Variants in TFDP2 observed in about 807,000 individuals in gnomAD.
TFDP2 encodes the protein transcription factor Dp-2 (E2F dimerization partner 2).
Under a neutral mutation model 59.3 loss-of-function variants are expected in TFDP2, and 17 were observed. The observed-to-expected ratio is 0.29, with a 90% CI of 0.20 to 0.43. The LOEUF is 0.43. Among genes scored for constraint, TFDP2 ranks in the 20% least tolerant of loss-of-function variants. The pLI is 1.00. For missense variants in TFDP2, 391 were observed against 528.8 expected, an observed-to-expected ratio of 0.74 and a Z score of 2.56; for synonymous variants, 180 against 194.7, an observed-to-expected ratio of 0.92 and a Z score of 0.63.
intron 6 of TFDP2, among the ~76,000 whole-genome samples, chr3:141,979,935 G>A (rs542372714): frequency 6.6e-6 from 1 of 150,788 alleles, no homozygotes; most frequent in African/African-American, 2.4e-5. Flanking sequence ...TGGATTCAGG[G>A]TCTCACTCTG....
chr3:142,027,740 C>G (rs1473700641), intron 3 of TFDP2, among the ~76,000 whole-genome samples: 1 of 151,992 alleles, frequency 6.6e-6, no homozygotes, highest in African/African-American at 2.4e-5. Flanking sequence ...TCAATTCAAT[C>G]AAGTTGTCAT....
chr3:141,947,888 A>AC lies in TFDP2; in HGVS notation c.*4624dup, dbSNP rs1416726349. The AC allele has an allele frequency of 6.6e-6, 1 of 152,196 alleles. No homozygotes were observed. The highest frequency in any genetic ancestry group is 2.4e-5 in the African/African-American group (1 of 41,376). The allele number at this position is 152,196 out of a possible 1,614,324, so 9.4% of individuals were successfully genotyped here. A position where few individuals can be genotyped will look rare whatever the true frequency, so the allele number is the denominator to read the frequency against. On this transcript the variant is annotated 3_prime_UTR_variant, in exon 13 of 13. Transcript: ENST00000489671. ...TTTCCCAGAGGGGCCTTTCCCAGCC[A>AC]CCCCCAGCCAAAGTAGCCTTTCCCA...
Position 142,117,797 on chromosome 3 carries a change from G to A in TFDP2, c.-92-15956C>T, listed in dbSNP as rs143151727. ...AAGGTAATGAATGAAAAAAACAGGC[G>A]ATAAGAGGAGGAAATTAGGCCAGGC... On this transcript the variant is annotated intron_variant, in intron 1 of 12. Coordinates refer to ENST00000489671, the MANE Select transcript of TFDP2 (RefSeq NM_001178139.2). Among the ~76,000 whole-genome samples, 320 of 152,174 alleles carry A rather than the reference G, an allele frequency of 2.1e-3. 1 individual carries two copies. The highest frequency in any genetic ancestry group is 3.5e-3 in the Non-Finnish European group (235 of 68,022).
rs1444830011 is a variant in TFDP2, at chr3:141,953,033, G to A, written c.1052-17C>T. The A allele has an allele frequency of 1.3e-6, 2 of 1,592,740 alleles. No homozygotes were observed. Among genetic ancestry groups the A allele is most frequent in the Admixed American group, 1.7e-5 (1 of 58,952 alleles). On this transcript the variant is annotated splice_polypyrimidine_tract_variant and intron_variant, in intron 11 of 12. Coordinates refer to ENST00000489671, the MANE Select transcript of TFDP2 (RefSeq NM_001178139.2). Reference sequence around the variant, plus strand: ...TGGAGATATCTAAAGGAAAAAATGAGAACAAAAAATGTCGGTCCTGCAAGT... The same window carrying A: ...TGGAGATATCTAAAGGAAAAAATGAAAACAAAAAATGTCGGTCCTGCAAGT...
chr3:142,102,916 A>T (rs2061357116), intron 1 of TFDP2, among the ~76,000 whole-genome samples: 1 of 152,228 alleles, frequency 6.6e-6, no homozygotes, highest in African/African-American at 2.4e-5. Flanking sequence ...TGGCAAAGAA[A>T]GGCTGAGAAA....
chr3:141,969,603 T>C lies in TFDP2; in HGVS notation c.732+470A>G, dbSNP rs571937176. 2.2e-3 allele frequency among the ~76,000 whole-genome samples: 327 copies of C among 152,044 alleles called. 2 individuals carry two copies. The highest frequency in any genetic ancestry group is 7.5e-3 in the African/African-American group (310 of 41,440). ...CTCCAGCCTGGCGAAAGAGTGAGAC[T>C]CAGTCTCAAAAAACAACAACAACAA... On this transcript the variant is annotated intron_variant, in intron 9 of 12. Transcript: ENST00000489671.
Position 142,149,487 on chromosome 3 carries a change from C to G in TFDP2, c.-397G>C, listed in dbSNP as rs2063309043. The G allele has an allele frequency of 2.8e-6, 1 of 360,846 alleles. No individual in the cohort carries two copies. Among genetic ancestry groups the G allele is most frequent in the Non-Finnish European group, 4.9e-6 (1 of 202,444 alleles). 22.4% of individuals were successfully genotyped at this position (360,846 alleles called of 1,614,324 possible). On this transcript the variant is annotated 5_prime_UTR_variant, in exon 1 of 13. Transcript: ENST00000489671. ...ACCGATTTCGTCCGCCCTCTCCCTG[C>G]CCAGCTACAGCCCCGCTTCCCCCGC...
intron 3 of TFDP2, among the ~76,000 whole-genome samples, chr3:142,021,505 A>C (rs776732351): frequency 1.1e-4 from 16 of 152,198 alleles, no homozygotes; most frequent in Admixed American, 2.6e-4. Context: ...CATATTTCTA[A>C]ATGAATAAAT....
At chr3:141,980,677 A>G (rs922429379) in intron 6 of TFDP2, among the ~76,000 whole-genome samples, 32 of 152,042 alleles carry the variant, frequency 2.1e-4, no homozygotes, top group Non-Finnish European at 4.1e-4. Context: ...CTGGCATTAC[A>G]GGCGCCTACC....
chr3:142,080,935 G>A (rs1399369370), intron 3 of TFDP2, among the ~76,000 whole-genome samples: 2 of 152,110 alleles, frequency 1.3e-5, no homozygotes, highest in Admixed American at 6.6e-5. Context: ...CTTCCAAACA[G>A]AAAATCCACA....
chr3:142,039,406 A>T (rs183053033), intron 3 of TFDP2, among the ~76,000 whole-genome samples: 1 of 152,012 alleles, frequency 6.6e-6, no homozygotes, highest in African/African-American at 2.4e-5. Context: ...TGTTGTTTTG[A>T]GACAGGGTCT....
In TFDP2 at chr3:141,947,287, G is replaced by A. The variant is rs931779088; in HGVS notation, c.*5226C>T. 6 of 152,210 alleles carry A rather than the reference G, an allele frequency of 3.9e-5. No homozygotes were observed. The highest frequency in any genetic ancestry group is 8.8e-5 in the Non-Finnish European group (6 of 68,050). 9.4% of individuals were successfully genotyped at this position (152,210 alleles called of 1,614,324 possible). A position where few individuals can be genotyped will look rare whatever the true frequency, so the allele number is the denominator to read the frequency against. ...ATATGGGAACCCATTTGGGAAAACG[G>A]TTCTTAGAAGTCCAGTCATCAGCTT... On this transcript the variant is annotated 3_prime_UTR_variant, in exon 13 of 13. Transcript: ENST00000489671.
At chr3:142,133,263 CT>C (rs759648329) in intron 1 of TFDP2, among the ~76,000 whole-genome samples, 6 of 150,254 alleles carry the variant, frequency 4.0e-5, no homozygotes, top group Non-Finnish European at 7.4e-5. Flanking sequence ...GTCACCCAGA[CT>C]GGAGTCCAGT....
chr3:142,044,010 C>A (rs1947180660), intron 3 of TFDP2: 1 of 699,724 alleles, frequency 1.4e-6, no homozygotes, highest in Non-Finnish European at 2.6e-6. Context: ...CTTTTTCCGG[C>A]ATCAAGCCCA....
intron 3 of TFDP2, among the ~76,000 whole-genome samples, chr3:142,085,708 T>C (rs1449854305): frequency 2.0e-5 from 3 of 152,182 alleles, no homozygotes; most frequent in African/African-American, 7.2e-5. Flanking sequence ...CTTCAGGGTA[T>C]GTGCATATAA....
intron 6 of TFDP2, among the ~76,000 whole-genome samples, chr3:141,986,326 T>C (rs1036748306): frequency 6.6e-6 from 1 of 152,222 alleles, no homozygotes; most frequent in Non-Finnish European, 1.5e-5. Context: ...GCAAACCAAC[T>C]GTGTTAAGTG....
chr3:141,972,722 G>C lies in TFDP2; in HGVS notation c.663+1326C>G, dbSNP rs189197691. On this transcript the variant is annotated intron_variant, in intron 8 of 12. Coordinates refer to ENST00000489671, the MANE Select transcript of TFDP2 (RefSeq NM_001178139.2). Reference sequence around the variant, plus strand: ...CTTTCTTAGGAGTAATCACATTTTCGGTAACTCTTTTACATTTCTCTTCTC... The same window carrying C: ...CTTTCTTAGGAGTAATCACATTTTCCGTAACTCTTTTACATTTCTCTTCTC... 3.9e-3 allele frequency among the ~76,000 whole-genome samples: 591 copies of C among 152,136 alleles called. 2 individuals are homozygous for C. Among genetic ancestry groups the C allele is most frequent in the African/African-American group, 0.014 (562 of 41,502 alleles).
chr3:142,142,867 A>C (rs2063009774), intron 1 of TFDP2, among the ~76,000 whole-genome samples: 1 of 152,244 alleles, frequency 6.6e-6, no homozygotes, highest in South Asian at 2.1e-4. Flanking sequence ...CAGTCTCTTC[A>C]ATAGATGGTG....
At chr3:142,083,801 A>G (rs1367886764) in intron 3 of TFDP2, among the ~76,000 whole-genome samples, 4 of 152,214 alleles carry the variant, frequency 2.6e-5, no homozygotes, top group Admixed American at 1.3e-4. Flanking sequence ...GGATATCCGT[A>G]TGCAAAAGAA....
Sources: allele counts gnomAD v4.1 joint callset (sites outside exome capture counted in the v4.1 genomes callset), GRCh38; gene constraint gnomAD v4.1.1; transcripts MANE v1.5; gene names NCBI Gene and HGNC (gene_info 2026-07-23, HGNC 2026-07-21).